The following VPS16 variants were observed in gnomAD, a reference collection of about 807,000 sequenced individuals.
The protein encoded by VPS16 is vacuolar protein sorting-associated protein 16 homolog.
In VPS16, 82 loss-of-function variants were observed where a neutral mutation model predicts 116.0. The ratio of observed to expected loss-of-function variants is 0.71; its 90% CI spans 0.59 to 0.85. The LOEUF is 0.85. Ranked by LOEUF, VPS16 falls within the 40% of genes least tolerant of loss-of-function variation. The probability of loss-of-function intolerance (pLI) is 0.00; values close to 1 mark genes in which losing one functional copy is unlikely to be tolerated. For missense variants in VPS16, 928 were observed against 1,090.6 expected, an observed-to-expected ratio of 0.85 and a Z score of 2.10; for synonymous variants, 406 against 420.7, an observed-to-expected ratio of 0.96 and a Z score of 0.43.
chr20:2,859,868 T>C, intron 2 of VPS16, 61 bp downstream of exon 2: 2 of 1,553,586 alleles, frequency 1.3e-6, no homozygotes, highest in Non-Finnish European at 1.8e-6. Context: ...AGGTCCTTGA[T>C]TCCTGGGGCC....
In VPS16 at chr20:2,864,240, G is replaced by A. The variant is rs1383314170; in HGVS notation, c.1673G>A (p.Ser558Asn). 1 of 1,614,228 alleles carries A rather than the reference G, an allele frequency of 6.2e-7. No individual in the cohort carries two copies. Among genetic ancestry groups the A allele is most frequent in the Non-Finnish European group, 8.5e-7 (1 of 1,180,046 alleles). Residue 558 changes from serine to asparagine, a missense_variant, in exon 17 of 24, where the codon AGC becomes AAC. By Grantham distance (46) the Ser-to-Asn change is conservative. Transcript: ENST00000380445. The surrounding 1 kb of genome is among the most constrained non-coding windows in gnomAD (Gnocchi z 5.2). Reference protein sequence around the residue: ...QVPLLLKMKRSKLALSKAIES... With the variant: ...QVPLLLKMKRNKLALSKAIES... The stretch of plus-strand genomic sequence containing the variant: ...CCCCTTCTCCTAAAGATGAAGAGGA[G>A]CAAACTGGCACTAAGCAAGGCCATC...
Position 2,860,337 on chromosome 20 carries a change from T to C in VPS16, c.339T>C (p.Gly113=), listed in dbSNP as rs2089213424. ...CTGTACTGGTTTATGGGCTTCATGG[T>C]GACTTCCGGAGACACTTCAGCATGG... ...DGAVLVYGLH[G]DFRRHFSMGN... is the part of the protein sequence containing the mutation. Residue 113 remains glycine (G), a synonymous_variant, in exon 4 of 24, where the codon GGT becomes GGC. Coordinates refer to ENST00000380445, the MANE Select transcript of VPS16 (RefSeq NM_022575.4). The surrounding 1 kb of genome is among the most constrained non-coding windows in gnomAD (Gnocchi z 6.1). 1 of 1,613,952 alleles carries C rather than the reference T, an allele frequency of 6.2e-7. No homozygotes were observed. Among genetic ancestry groups the C allele is most frequent in the African/African-American group, 1.3e-5 (1 of 74,876 alleles).
At chr20:2,841,911 G>T (rs1599963861) in intron 1 of VPS16, among the ~76,000 whole-genome samples, 1 of 151,914 alleles carries the variant, frequency 6.6e-6, no homozygotes, top group African/African-American at 2.4e-5. Context: ...CTGTCACCAC[G>T]CCCGGCTAAT....
chr20:2,842,383 A>G (rs2088986720), intron 1 of VPS16, among the ~76,000 whole-genome samples: 1 of 152,052 alleles, frequency 6.6e-6, no homozygotes, highest in Non-Finnish European at 1.5e-5. Context: ...TGGGAGGCCA[A>G]GGTGGGTGAA....
intron 1 of VPS16, among the ~76,000 whole-genome samples, chr20:2,844,313 A>C (rs183887154): frequency 3.9e-5 from 6 of 152,334 alleles, no homozygotes; most frequent in African/African-American, 1.2e-4. Flanking sequence ...CAGACATTAC[A>C]TTTCAAGTCC....
chr20:2,844,343 T>G (rs150861273), intron 1 of VPS16, among the ~76,000 whole-genome samples: 1 of 152,226 alleles, frequency 6.6e-6, no homozygotes, highest in South Asian at 2.1e-4. Flanking sequence ...GACAGGATTC[T>G]TTTGTATTGG....
At chr20:2,848,684 A>G (rs950340796) in intron 1 of VPS16, among the ~76,000 whole-genome samples, 3 of 152,198 alleles carry the variant, frequency 2.0e-5, no homozygotes, top group African/African-American at 7.2e-5. Context: ...CTGTGAGCCC[A>G]CTGCTACCTT....
intron 1 of VPS16, among the ~76,000 whole-genome samples, chr20:2,849,364 G>A (rs973309802): frequency 1.1e-4 from 16 of 148,868 alleles, no homozygotes; most frequent in Admixed American, 6.2e-4. Context: ...GCAATGGCAC[G>A]ATTTTGGCTC....
intron 1 of VPS16, among the ~76,000 whole-genome samples, chr20:2,844,035 A>G (rs1417673165): frequency 1.3e-5 from 2 of 152,244 alleles, no homozygotes; most frequent in African/African-American, 2.4e-5. Context: ...CAGAGAGGCC[A>G]GGTTATACAA....
Position 2,865,079 on chromosome 20 carries a change from GCCT to G in VPS16, c.2004+29_2004+31del. 1 of 1,614,168 alleles carries G rather than the reference GCCT, an allele frequency of 6.2e-7. No homozygotes were observed. On this transcript the variant is annotated intron_variant, in intron 20 of 23. Transcript: ENST00000380445. This position sits in a 1 kb window ranked among gnomAD's most constrained non-coding sequence, Gnocchi z 5.2. ...AGGTTTGGCCCACCTTTTTCCAAGA[GCCT>G]CCTCGTCTCCTGGTCTTCCCTCCTG...
chr20:2,844,967 A>G (rs993568595), intron 1 of VPS16, among the ~76,000 whole-genome samples: 28 of 151,516 alleles, frequency 1.8e-4, no homozygotes, highest in Non-Finnish European at 4.1e-4. Flanking sequence ...CCTCAATTAA[A>G]GGATCTTAAC....
chr20:2,850,946 G>A (rs1314117274), intron 1 of VPS16, among the ~76,000 whole-genome samples: 1 of 148,558 alleles, frequency 6.7e-6, no homozygotes, highest in Non-Finnish European at 1.5e-5. Context: ...ACTGTAGCTG[G>A]GCGATAGAGT....
intron 1 of VPS16, among the ~76,000 whole-genome samples, chr20:2,844,290 A>G (rs997925835): frequency 6.6e-6 from 1 of 152,254 alleles, no homozygotes; most frequent in Non-Finnish European, 1.5e-5. Flanking sequence ...TGAATGAATG[A>G]TAAAACAGGT....
At chr20:2,847,317 C>T (rs1056971612) in intron 1 of VPS16, among the ~76,000 whole-genome samples, 2 of 152,076 alleles carry the variant, frequency 1.3e-5, no homozygotes, top group African/African-American at 4.8e-5. Context: ...CAGCTCTTGC[C>T]ACCTTCTAGG....
At position 2,853,407 on chromosome 20, in the gene VPS16, CAAAAA is replaced by C. The variant is rs59314587; in HGVS notation, c.54-6304_54-6300del. On this transcript the variant is annotated intron_variant, in intron 1 of 23. Coordinates refer to ENST00000380445, the MANE Select transcript of VPS16 (RefSeq NM_022575.4). The stretch of plus-strand genomic sequence containing the variant: ...CTGTCTCAAAACAAACAAACAACAA[CAAAAA>C]AAAAAAACCCACTTTCTTTGCTCAT... Among the ~76,000 whole-genome samples, 73 of 148,168 alleles carry C rather than the reference CAAAAA, an allele frequency of 4.9e-4. No individual in the cohort carries two copies. In the East Asian group the frequency reaches 6.3e-3, roughly 13 times the overall value.
chr20:2,855,169 C>T (rs962846026), intron 1 of VPS16, among the ~76,000 whole-genome samples: 3 of 151,888 alleles, frequency 2.0e-5, no homozygotes, highest in African/African-American at 7.3e-5. Flanking sequence ...CCATATTGGC[C>T]AGGCTGGTCT....
At position 2,865,297 on chromosome 20, in the gene VPS16, C is replaced by T; in HGVS notation, c.2154C>T (p.Asp718=). The T allele has an allele frequency of 1.2e-6, 2 of 1,614,168 alleles. No individual in the cohort carries two copies. The highest frequency in any genetic ancestry group is 1.7e-6 in the Non-Finnish European group (2 of 1,180,040). The change falls in exon 21 of 24, where the codon GAC becomes GAT. Residue 718 remains aspartate, a synonymous_variant. Transcript: ENST00000380445. The surrounding 1 kb of genome is among the most constrained non-coding windows in gnomAD (Gnocchi z 5.2). ...AGCGTGCAGAGCAGCTGGCACGTGA[C>T]TTCCGCATCCCTGACAAGAGGTAGG... ...HNKRAEQLAR[D]FRIPDKRLWW...
chr20:2,848,172 C>T (rs2089080807), intron 1 of VPS16, among the ~76,000 whole-genome samples: 1 of 152,196 alleles, frequency 6.6e-6, no homozygotes. Flanking sequence ...AACTGGGGTC[C>T]CACAGTCCTA....
chr20:2,852,470 C>T (rs2089131933), intron 1 of VPS16, among the ~76,000 whole-genome samples: 1 of 151,812 alleles, frequency 6.6e-6, no homozygotes, highest in Non-Finnish European at 1.5e-5. Flanking sequence ...TTTTTTCACC[C>T]AATGATTTTA....
Sources: allele counts gnomAD v4.1 joint callset (sites outside exome capture counted in the v4.1 genomes callset), GRCh38; gene constraint gnomAD v4.1.1; non-coding constraint Gnocchi (gnomAD v3.1); transcripts MANE v1.5; gene names NCBI Gene and HGNC (gene_info 2026-07-23, HGNC 2026-07-21).